Variants in VIL1 observed in about 807,000 individuals in gnomAD.
VIL1 encodes the protein villin-1.
A neutral mutation model predicts 104.0 loss-of-function variants in VIL1; 86 were observed. The observed-to-expected ratio is 0.83, with a 90% CI of 0.69 to 0.99. VIL1 has a LOEUF of 0.99. VIL1 is among the 50% of genes least tolerant of loss of function. The pLI, the probability that VIL1 is intolerant of heterozygous loss-of-function variation, is 0.00. For synonymous variants in VIL1, 394 were observed against 412.6 expected (o/e 0.95, Z 0.55); for missense variants, 944 against 1,054.1 (o/e 0.90, Z 1.45).
At chr2:218,422,410 A>G (rs1042819809) in intron 1 of VIL1, among the ~76,000 whole-genome samples, 2 of 152,198 alleles carry the variant, frequency 1.3e-5, no homozygotes, top group Non-Finnish European at 1.5e-5. Context: ...GTTGAAAAAT[A>G]CCTGATGGAG....
chr2:218,439,688 G>A (rs566529238), intron 18 of VIL1, among the ~76,000 whole-genome samples: 52 of 151,990 alleles, frequency 3.4e-4, no homozygotes, highest in African/African-American at 1.2e-3. Context: ...GTGGTGGTGC[G>A]TGCTTGTGGT....
At chr2:218,442,629 T>G (rs1689302058) in intron 19 of VIL1, among the ~76,000 whole-genome samples, 1 of 152,110 alleles carries the variant, frequency 6.6e-6, no homozygotes, top group Non-Finnish European at 1.5e-5. Flanking sequence ...GCACCCAGCC[T>G]AAGAACACAT....
At position 218,428,023 on chromosome 2, in the gene VIL1, G is replaced by A. The variant is rs779057580; in HGVS notation, c.406G>A (p.Val136Ile). Residue 136 changes from valine (V) to isoleucine (I), a missense_variant, in exon 5 of 20, where the codon GTC becomes ATC. Coordinates refer to ENST00000248444, the MANE Select transcript of VIL1 (RefSeq NM_007127.3). ...MKHVETNSYD[V>I]QRLLHVKGKR... ...GCACGTGGAGACCAACTCCTATGAC[G>A]TCCAGAGGCTGCTGCATGTCAAGGG... is the stretch of plus-strand genomic sequence containing the variant. 7.4e-6 allele frequency: 12 copies of A among 1,614,006 alleles called. No homozygotes were observed. The highest frequency in any genetic ancestry group is 6.7e-5 in the East Asian group (3 of 44,890).
At chr2:218,441,744 T>C (rs1285026531) in intron 19 of VIL1, among the ~76,000 whole-genome samples, 1 of 152,084 alleles carries the variant, frequency 6.6e-6, no homozygotes, top group African/African-American at 2.4e-5. Flanking sequence ...TCCCAGCACT[T>C]TGAGAGGCCG....
At chr2:218,444,428 C>T (rs548641258) in intron 19 of VIL1, among the ~76,000 whole-genome samples, 11 of 152,182 alleles carry the variant, frequency 7.2e-5, no homozygotes, top group Admixed American at 5.2e-4. Flanking sequence ...TACAGGCGCC[C>T]GCCATCACGC....
chr2:218,438,788 G>A, intron 18 of VIL1, 62 bp downstream of exon 18: 1 of 1,433,490 alleles, frequency 7.0e-7, no homozygotes, highest in Non-Finnish European at 9.7e-7. Context: ...ACCTGTGGGA[G>A]CCAAGAACGC....
intron 18 of VIL1, among the ~76,000 whole-genome samples, chr2:218,440,086 T>C (rs150766464): frequency 7.9e-5 from 12 of 152,248 alleles, no homozygotes; most frequent in Non-Finnish European, 1.3e-4. Flanking sequence ...CTGGCATGTA[T>C]AGATAGGTCA....
At chr2:218,446,044 C>A (rs1162011356) in intron 19 of VIL1, among the ~76,000 whole-genome samples, 4 of 152,074 alleles carry the variant, frequency 2.6e-5, no homozygotes, top group African/African-American at 4.8e-5. Context: ...TTTTTTGACT[C>A]AAAAAGCTAG....
At chr2:218,448,527 G>A (rs1471724471) in intron 19 of VIL1, among the ~76,000 whole-genome samples, 2 of 151,362 alleles carry the variant, frequency 1.3e-5, no homozygotes, top group African/African-American at 4.9e-5. Context: ...GTGCGCCACT[G>A]CTCTCCAGCC....
chr2:218,435,252 G>T (rs778753519), intron 14 of VIL1, 37 bp from the exon 15 acceptor site: 1 of 1,603,602 alleles, frequency 6.2e-7, no homozygotes. Context: ...GGAGGTAGGG[G>T]TGGCACTAGA....
At chr2:218,434,240 A>G in intron 13 of VIL1, among the ~76,000 whole-genome samples, 1 of 149,466 alleles carries the variant, frequency 6.7e-6, no homozygotes, top group East Asian at 2.0e-4. Flanking sequence ...GGAGGGTTTG[A>G]TGGCAGCAGT....
intron 4 of VIL1, 82 bp downstream of exon 4, chr2:218,425,893 G>A: frequency 6.9e-7 from 1 of 1,446,884 alleles, no homozygotes; most frequent in South Asian, 1.3e-5. Context: ...AAGAGGCAGG[G>A]ACACCCAGAC....
intron 15 of VIL1, among the ~76,000 whole-genome samples, chr2:218,436,156 G>T (rs541406117): frequency 6.6e-6 from 1 of 152,064 alleles, no homozygotes; most frequent in Non-Finnish European, 1.5e-5. Flanking sequence ...TTTTTCTAGA[G>T]AATATCCATG....
rs753567119 is a variant in VIL1, at chr2:218,425,755, C to T, written c.291C>T (p.Arg97=). The change falls in exon 4 of 20, where the codon CGC becomes CGT. Residue 97 remains arginine (R), a synonymous_variant. Transcript: ENST00000248444. ...DFLKGRAVQH[R]EVQGNESEAF... ...TGAAGGGCCGGGCTGTGCAGCACCG[C>T]GAGGTCCAGGGCAACGAGAGCGAGG... is the stretch of plus-strand genomic sequence containing the variant. 20 of 1,613,884 alleles carry T rather than the reference C, an allele frequency of 1.2e-5. No homozygotes were observed. Among genetic ancestry groups the T allele is most frequent in the East Asian group, 8.9e-5 (4 of 44,892 alleles).
In VIL1 at chr2:218,432,821, C is replaced by T. The variant is rs1339132149; in HGVS notation, c.1370C>T (p.Thr457Ile). 6.2e-7 allele frequency: 1 copy of T among 1,614,202 alleles called. No individual in the cohort carries two copies. The highest frequency in any genetic ancestry group is 8.5e-7 in the Non-Finnish European group (1 of 1,180,038). ...AGCCAGGCCAGCCAAGATGAAATTA[C>T]AGCATCAGCTTATCAAGCCGTCATC... ...QGSQASQDEI[T>I]ASAYQAVILD... Residue 457 changes from threonine to isoleucine, a missense_variant, in exon 13 of 20, where the codon ACA becomes ATA. Transcript: ENST00000248444.
chr2:218,437,277 G>A lies in VIL1; in HGVS notation c.2125G>A (p.Gly709Ser). Reference protein sequence around the residue: ...KQGHEPPTFTGWFLAWDPFKW... With the variant: ...KQGHEPPTFTSWFLAWDPFKW... Reference sequence around the variant, plus strand: ...GGGACACGAGCCCCCCACCTTCACAGGCTGGTTCCTGGCTTGGGATCCCTT... The same window carrying A: ...GGGACACGAGCCCCCCACCTTCACAAGCTGGTTCCTGGCTTGGGATCCCTT... Residue 709 changes from glycine to serine, a missense_variant, in exon 17 of 20, where the codon GGC becomes AGC. By Grantham distance (56) the Gly-to-Ser change is moderately conservative (BLOSUM62 0). Coordinates refer to ENST00000248444, the MANE Select transcript of VIL1 (RefSeq NM_007127.3). 6.2e-7 allele frequency: 1 copy of A among 1,614,150 alleles called. No individual in the cohort carries two copies. The highest frequency in any genetic ancestry group is 8.5e-7 in the Non-Finnish European group (1 of 1,180,028).
At chr2:218,424,718 G>A (rs1435489766) in intron 3 of VIL1, among the ~76,000 whole-genome samples, 1 of 151,348 alleles carries the variant, frequency 6.6e-6, no homozygotes, top group East Asian at 2.0e-4. Flanking sequence ...GTGCAGTGGA[G>A]CGACCTCGGC....
chr2:218,440,996 T>TTA, intron 19 of VIL1, 134 bp downstream of exon 19: 5 of 1,037,872 alleles, frequency 4.8e-6, no homozygotes, highest in Non-Finnish European at 6.9e-6. Flanking sequence ...TCATGCCACC[T>TTA]TATATCCCAG....
At position 218,434,528 on chromosome 2, in the gene VIL1, A is replaced by T. The variant is rs141436254; in HGVS notation, c.1503A>T (p.Gly501=). Residue 501 remains glycine, a splice_region_variant and synonymous_variant, in exon 14 of 20, where the codon GGA becomes GGT. Coordinates refer to ENST00000248444, the MANE Select transcript of VIL1 (RefSeq NM_007127.3). ...CTGTCTTCTGCCCTCACCTGCAGGG[A>T]GGCACCTCCCGAACTAACAACTTGG... is the stretch of plus-strand genomic sequence containing the variant. The part of the protein sequence containing the change: ...IFKGRMVVYQ[G]GTSRTNNLET... 62 of 1,609,586 alleles carry T rather than the reference A, an allele frequency of 3.9e-5. No individual in the cohort carries two copies. The African/African-American group carries it at 7.5e-4, about 19-fold the overall frequency.
Sources: gnomAD v4.1 joint callset for allele counts (sites outside exome capture counted in the v4.1 genomes callset) on GRCh38, gnomAD v4.1.1 for gene constraint, MANE v1.5 for transcripts, NCBI Gene and HGNC (gene_info 2026-07-23, HGNC 2026-07-21) for gene names.